SLCO6A1: variants seen among roughly 807,000 people sequenced by gnomAD.
The protein encoded by SLCO6A1 is solute carrier organic anion transporter family member 6A1.
A neutral mutation model predicts 72.7 loss-of-function variants in SLCO6A1; 65 were observed. That is an observed-to-expected ratio of 0.89 (90% CI 0.73 to 1.10). SLCO6A1 has a LOEUF of 1.10. Ranked by LOEUF, SLCO6A1 falls within the 50% of genes least tolerant of loss-of-function variation. SLCO6A1 has a pLI of 0.00. For synonymous variants in SLCO6A1, 314 were observed against 298.2 expected (o/e 1.05, Z -0.55); for missense variants, 874 against 872.6 (o/e 1.00, Z -0.02).
rs1354188294 is a variant in SLCO6A1 at position 102,432,044 on chromosome 5, AC to A, written c.1276+6572del. Among the ~76,000 whole-genome samples, 8 of 151,966 alleles carry A rather than the reference AC, an allele frequency of 5.3e-5. No homozygotes were observed. The East Asian group carries it at 1.2e-3, about 22-fold the overall frequency. On this transcript the variant is annotated intron_variant, in intron 7 of 13. Transcript: ENST00000506729. Reference sequence around the variant, plus strand: ...TTTAAAGTCTGAAATTAGAATTGCAACCCCTTCAGTTTTTCATTCATTTTCC... The same window carrying A: ...TTTAAAGTCTGAAATTAGAATTGCAACCCTTCAGTTTTTCATTCATTTTCC...
In SLCO6A1 at chr5:102,498,872, G is replaced by T. The variant is rs773362577; in HGVS notation, c.-28C>A. The T allele has an allele frequency of 5.1e-6, 8 of 1,575,382 alleles. No homozygotes were observed. In the South Asian group the frequency reaches 7.9e-5, roughly 16 times the overall value. On this transcript the variant is annotated 5_prime_UTR_variant, in exon 1 of 14. Coordinates refer to ENST00000506729, the MANE Select transcript of SLCO6A1 (RefSeq NM_173488.5). ...CTCACCCTGGGCGGCTCCTGGCGAC[G>T]CGGCCCGAGTGCTCTCGGCTGCCCG...
At chr5:102,449,383 A>C (rs546986499) in intron 6 of SLCO6A1, among the ~76,000 whole-genome samples, 2 of 117,690 alleles carry the variant, frequency 1.7e-5, no homozygotes, top group East Asian at 4.5e-4. Flanking sequence ...GGGTACTTTG[A>C]ATTTCCTGAT....
rs998688738 is a variant in SLCO6A1, at chr5:102,390,897, A to C, written c.1879+84T>G. Reference sequence around the variant, plus strand: ...CGCTTTGTGTCATTTACTATTATTTATTTGTAATACTAAATACACATGTAG... The same window carrying C: ...CGCTTTGTGTCATTTACTATTATTTCTTTGTAATACTAAATACACATGTAG... On this transcript the variant is annotated intron_variant, in intron 11 of 13. Transcript: ENST00000506729. 165 of 1,148,634 alleles carry C rather than the reference A, an allele frequency of 1.4e-4. 1 individual carries two copies. The highest frequency in any genetic ancestry group is 2.4e-5 in the Non-Finnish European group (19 of 787,152). 71.2% of individuals were successfully genotyped at this position (1,148,634 alleles called of 1,614,324 possible).
At chr5:102,380,836 G>A (rs1187140158) in intron 12 of SLCO6A1, among the ~76,000 whole-genome samples, 2 of 151,874 alleles carry the variant, frequency 1.3e-5, no homozygotes, top group Admixed American at 6.6e-5. Context: ...CTCCTCTAAC[G>A]TATTAAGAGC....
chr5:102,464,914 G>T lies in SLCO6A1; in HGVS notation c.900-5137C>A, dbSNP rs950009878. Among the ~76,000 whole-genome samples, 4 of 152,164 alleles carry T rather than the reference G, an allele frequency of 2.6e-5. No individual in the cohort carries two copies. The East Asian group carries it at 7.7e-4, about 29-fold the overall frequency. On this transcript the variant is annotated intron_variant, in intron 4 of 13. Transcript: ENST00000506729. ...TACAGAGCAGAGTGGAGAAAAGTAG[G>T]GAGTGGAACTATAGTAGCAAACTGA...
At position 102,449,211 on chromosome 5, in the gene SLCO6A1, G is replaced by A. The variant is rs564251875; in HGVS notation, c.1131+9171C>T. 2.6e-5 allele frequency among the ~76,000 whole-genome samples: 4 copies of A among 152,204 alleles called. No individual in the cohort carries two copies. The South Asian group carries it at 8.3e-4, about 32-fold the overall frequency. The stretch of plus-strand genomic sequence containing the variant: ...AGACCCCCAATCTCTTCTGGTTGTA[G>A]AGTTTCTGCTGACAGGTCTACCGTT... On this transcript the variant is annotated intron_variant, in intron 6 of 13. Transcript: ENST00000506729.
chr5:102,401,535 T>C (rs759536317), intron 9 of SLCO6A1, among the ~76,000 whole-genome samples: 28 of 151,966 alleles, frequency 1.8e-4, no homozygotes, highest in Middle Eastern at 3.2e-3. Flanking sequence ...TACAAGACAA[T>C]AGTGCTTGGG....
intron 1 of SLCO6A1, among the ~76,000 whole-genome samples, chr5:102,487,926 G>C (rs1752513054): frequency 6.6e-6 from 1 of 152,058 alleles, no homozygotes; most frequent in South Asian, 2.1e-4. Context: ...ACAAGACCAA[G>C]GCAGAATCTA....
intron 10 of SLCO6A1, among the ~76,000 whole-genome samples, chr5:102,393,677 G>T (rs1746899145): frequency 6.6e-6 from 1 of 151,990 alleles, no homozygotes; most frequent in African/African-American, 2.4e-5. Context: ...CATCAGAGGA[G>T]TAGAGACCTG....
chr5:102,377,127 T>A (rs968923117), intron 12 of SLCO6A1, among the ~76,000 whole-genome samples: 7 of 152,054 alleles, frequency 4.6e-5, no homozygotes, highest in African/African-American at 1.7e-4. Flanking sequence ...TCTCTCCACT[T>A]CACTCCAGCC....
intron 12 of SLCO6A1, among the ~76,000 whole-genome samples, chr5:102,383,694 G>T (rs770743816): frequency 6.6e-6 from 1 of 151,662 alleles, no homozygotes; most frequent in Non-Finnish European, 1.5e-5. Flanking sequence ...TTGGCATCAG[G>T]GTAATTCTGG....
intron 4 of SLCO6A1, among the ~76,000 whole-genome samples, chr5:102,462,170 A>T (rs1448956294): frequency 6.6e-6 from 1 of 152,190 alleles, no homozygotes; most frequent in East Asian, 1.9e-4. Context: ...TTAGGAACAT[A>T]CCTAACCAAG....
At chr5:102,471,321 A>T (rs7356705) in intron 4 of SLCO6A1, among the ~76,000 whole-genome samples, 97,028 of 151,808 alleles carry the variant, frequency 0.64, 31,210 homozygotes, top group African/African-American at 0.66. Context: ...ACATAAATCA[A>T]TAGAGATTTA....
In SLCO6A1 at chr5:102,390,980, C is replaced by A. The variant is rs181522070; in HGVS notation, c.1879+1G>T. 2 of 1,613,154 alleles carry A rather than the reference C, an allele frequency of 1.2e-6. No homozygotes were observed. Among genetic ancestry groups the A allele is most frequent in the East Asian group, 2.2e-5 (1 of 44,840 alleles). ...AATAAGAGATTGCCAAAAATCCATA[C>A]CAAATATTCTCAAAATCACATAGCT... is the stretch of plus-strand genomic sequence containing the variant. On this transcript the variant is annotated splice_donor_variant, in intron 11 of 13. Coordinates refer to ENST00000506729, the MANE Select transcript of SLCO6A1 (RefSeq NM_173488.5). LOFTEE classifies it high-confidence loss of function.
intron 7 of SLCO6A1, among the ~76,000 whole-genome samples, chr5:102,428,811 T>A (rs1749055969): frequency 6.6e-6 from 1 of 152,154 alleles, no homozygotes; most frequent in South Asian, 2.1e-4. Flanking sequence ...TGGGTATATA[T>A]CCAGTAATGA....
At chr5:102,426,136 T>C (rs768101120) in intron 7 of SLCO6A1, among the ~76,000 whole-genome samples, 3 of 152,158 alleles carry the variant, frequency 2.0e-5, no homozygotes, top group Non-Finnish European at 4.4e-5. Context: ...GATATAAGAC[T>C]TAAATGTAAA....
Position 102,488,972 on chromosome 5 carries a change from T to C in SLCO6A1, c.359-8538A>G, listed in dbSNP as rs139945778. Reference sequence around the variant, plus strand: ...AAGATTGAGGAAGTCACATAAAAAGTCAGGAAGTTACAGCCAGCAGGCCAG... The same window carrying C: ...AAGATTGAGGAAGTCACATAAAAAGCCAGGAAGTTACAGCCAGCAGGCCAG... On this transcript the variant is annotated intron_variant, in intron 1 of 13. Coordinates refer to ENST00000506729, the MANE Select transcript of SLCO6A1 (RefSeq NM_173488.5). 5.1e-3 allele frequency among the ~76,000 whole-genome samples: 783 copies of C among 152,248 alleles called. 8 individuals are homozygous for C. The highest frequency in any genetic ancestry group is 0.018 in the African/African-American group (755 of 41,544).
At chr5:102,493,857 C>T (rs544992682) in intron 1 of SLCO6A1, among the ~76,000 whole-genome samples, 5 of 152,124 alleles carry the variant, frequency 3.3e-5, no homozygotes, top group African/African-American at 1.2e-4. Context: ...CATGAGGACA[C>T]TTAATATCGT....
At chr5:102,434,193 C>A (rs147792301) in intron 7 of SLCO6A1, among the ~76,000 whole-genome samples, 1 of 151,976 alleles carries the variant, frequency 6.6e-6, no homozygotes, top group Admixed American at 6.6e-5. Flanking sequence ...GATATTTATA[C>A]GATGAGTAGC....
Sources: gnomAD v4.1 joint callset for allele counts (sites outside exome capture counted in the v4.1 genomes callset) on GRCh38, gnomAD v4.1.1 for gene constraint, MANE v1.5 for transcripts, NCBI Gene and HGNC (gene_info 2026-07-23, HGNC 2026-07-21) for gene names.